Variants in ADCY9 observed in about 807,000 individuals in gnomAD.
The protein encoded by ADCY9 is adenylate cyclase type 9.
A neutral mutation model predicts 101.5 loss-of-function variants in ADCY9; 50 were observed. That is an observed-to-expected ratio of 0.49 (90% CI 0.39 to 0.62). The LOEUF (loss-of-function observed/expected upper bound fraction) is 0.62, where lower values mean the gene tolerates loss of function less well. ADCY9 is among the 20% of genes least tolerant of loss of function. The pLI is 0.00. For synonymous variants in ADCY9, 905 were observed against 769.3 expected, an observed-to-expected ratio of 1.18 and a Z score of -2.92; for missense variants, 1,662 against 1,800.4, an observed-to-expected ratio of 0.92 and a Z score of 1.39.
chr16:4,110,893 A>G lies in ADCY9; in HGVS notation c.1693+2857T>C, dbSNP rs1006195950. On this transcript the variant is annotated intron_variant, in intron 2 of 10. Transcript: ENST00000294016. ...AACGCTGCTTCTGCCCCATCCCTGTATCAGCTAGTCCTCAATTCGGTCTGG... is the reference window on the plus strand; with the variant it reads ...AACGCTGCTTCTGCCCCATCCCTGTGTCAGCTAGTCCTCAATTCGGTCTGG... 7.2e-5 allele frequency among the ~76,000 whole-genome samples: 11 copies of G among 152,124 alleles called. 1 individual carries two copies. The South Asian group carries it at 2.3e-3, about 32-fold the overall frequency.
Position 3,965,666 on chromosome 16 carries a change from C to T in ADCY9, c.*109G>A, listed in dbSNP as rs2055983802. ...AGTTAGGGCTGAAATGACCACATAACACCACGTCCGGGGAGGGCAACTGTG... is the reference window on the plus strand; with the variant it reads ...AGTTAGGGCTGAAATGACCACATAATACCACGTCCGGGGAGGGCAACTGTG... On this transcript the variant is annotated 3_prime_UTR_variant, in exon 11 of 11. Coordinates refer to ENST00000294016, the MANE Select transcript of ADCY9 (RefSeq NM_001116.4). 1.0e-6 allele frequency: 1 copy of T among 970,070 alleles called. No homozygotes were observed. The highest frequency in any genetic ancestry group is 1.5e-6 in the Non-Finnish European group (1 of 654,734). 60.1% of individuals were successfully genotyped at this position (970,070 alleles called of 1,614,324 possible). A position where few individuals can be genotyped will look rare whatever the true frequency, so the allele number is the denominator to read the frequency against.
At chr16:4,107,850 C>T (rs552293178) in intron 2 of ADCY9, among the ~76,000 whole-genome samples, 7 of 152,190 alleles carry the variant, frequency 4.6e-5, no homozygotes, top group South Asian at 2.1e-4. Flanking sequence ...AGAATGCCTC[C>T]GTCCACTGTC....
intron 2 of ADCY9, among the ~76,000 whole-genome samples, chr16:4,098,738 T>C (rs1040325543): frequency 6.6e-6 from 1 of 151,340 alleles, no homozygotes; most frequent in African/African-American, 2.4e-5. Flanking sequence ...GAAAAGAGAG[T>C]GGCCGGCCCA....
At chr16:3,967,886 CAG>C (rs1358081396) in intron 10 of ADCY9, among the ~76,000 whole-genome samples, 2 of 151,432 alleles carry the variant, frequency 1.3e-5, no homozygotes, top group Non-Finnish European at 2.9e-5. Context: ...TTAGTAGAGA[CAG>C]GGTTTCATCA....
intron 2 of ADCY9, among the ~76,000 whole-genome samples, chr16:4,058,023 G>C (rs939370518): frequency 2.6e-5 from 4 of 152,038 alleles, no homozygotes; most frequent in African/African-American, 9.7e-5. Flanking sequence ...GCCAGGCGTG[G>C]TGGTGGGCAC....
intron 2 of ADCY9, among the ~76,000 whole-genome samples, chr16:4,080,960 A>G (rs564482514): frequency 7.2e-5 from 11 of 152,310 alleles, no homozygotes; most frequent in Non-Finnish European, 1.3e-4. Flanking sequence ...TTTTCTGGTT[A>G]AGGAAAACAT....
intron 2 of ADCY9, among the ~76,000 whole-genome samples, chr16:4,012,050 C>G (rs1307291740): frequency 6.6e-6 from 1 of 152,202 alleles, no homozygotes; most frequent in Non-Finnish European, 1.5e-5. Context: ...ATTTGCAAAA[C>G]TGTTAAATCA....
intron 8 of ADCY9, 52 bp from the exon 9 acceptor site, chr16:3,977,682 T>C (rs776953320): frequency 6.4e-7 from 1 of 1,568,978 alleles, no homozygotes; most frequent in South Asian, 1.2e-5. Context: ...CCGCCACCCC[T>C]GCTATACCCG....
chr16:3,997,789 T>A (rs574201371), intron 3 of ADCY9, among the ~76,000 whole-genome samples: 80 of 152,340 alleles, frequency 5.3e-4, no homozygotes, highest in Admixed American at 1.2e-3. Flanking sequence ...ATCATTTTAC[T>A]GCACTTTGAA....
chr16:4,005,593 A>G (rs1480576945), intron 3 of ADCY9, among the ~76,000 whole-genome samples: 1 of 152,206 alleles, frequency 6.6e-6, no homozygotes, highest in African/African-American at 2.4e-5. Context: ...AAATCTCCAC[A>G]TGCCAAGAAG....
chr16:4,094,968 C>CA (rs1471958090), intron 2 of ADCY9, among the ~76,000 whole-genome samples: 2 of 150,494 alleles, frequency 1.3e-5, no homozygotes, highest in African/African-American at 4.9e-5. Context: ...AAATCTTTGA[C>CA]AAAATCCAAG....
chr16:4,100,692 G>A (rs1205027634), intron 2 of ADCY9, among the ~76,000 whole-genome samples: 12 of 148,150 alleles, frequency 8.1e-5, no homozygotes, highest in Non-Finnish European at 1.5e-4. Flanking sequence ...ACAGTGAGCC[G>A]AGATTATGCC....
chr16:4,105,856 GA>G (rs1169716581), intron 2 of ADCY9, among the ~76,000 whole-genome samples: 1 of 151,668 alleles, frequency 6.6e-6, no homozygotes, highest in African/African-American at 2.4e-5. Flanking sequence ...AAAAAGAAAA[GA>G]AAAAAAACCT....
At chr16:3,993,127 C>A (rs2056259120) in intron 4 of ADCY9, among the ~76,000 whole-genome samples, 1 of 152,166 alleles carries the variant, frequency 6.6e-6, no homozygotes, top group Non-Finnish European at 1.5e-5. Flanking sequence ...CCACAAATCC[C>A]CTCCCGGCAC....
chr16:4,030,409 G>T (rs1203597431), intron 2 of ADCY9, among the ~76,000 whole-genome samples: 1 of 152,062 alleles, frequency 6.6e-6, no homozygotes, highest in Non-Finnish European at 1.5e-5. Context: ...AGCCACAAAA[G>T]AATATATACT....
intron 2 of ADCY9, among the ~76,000 whole-genome samples, chr16:4,093,300 C>T (rs1417776475): frequency 6.6e-6 from 1 of 152,144 alleles, no homozygotes; most frequent in Non-Finnish European, 1.5e-5. Flanking sequence ...TTTGCTGTCC[C>T]CGAAGCTCTC....
At chr16:3,969,965 C>T (rs527679664) in intron 10 of ADCY9, among the ~76,000 whole-genome samples, 3 of 152,198 alleles carry the variant, frequency 2.0e-5, no homozygotes, top group Admixed American at 1.3e-4. Flanking sequence ...ATTTGTCCAT[C>T]GTCCTGCCAT....
chr16:4,094,639 A>G (rs552566505), intron 2 of ADCY9, among the ~76,000 whole-genome samples: 57 of 152,316 alleles, frequency 3.7e-4, no homozygotes, highest in African/African-American at 1.4e-3. Context: ...ATAAGAAAAA[A>G]AAAAGGGAGA....
Position 3,966,375 on chromosome 16 carries a change from G to A in ADCY9, c.3462C>T (p.Asn1154=). Residue 1154 remains asparagine, a synonymous_variant, in exon 11 of 11, where the codon AAC becomes AAT. Transcript: ENST00000294016. ...GCTTGAAGTTGAACCACAGCATGTT[G>A]TTGTTGAAGTCGTCCACCACGCGCA... ...EMMRVVDDFN[N]NMLWFNFKLR... 2 of 1,614,108 alleles carry A rather than the reference G, an allele frequency of 1.2e-6. No homozygotes were observed. Among genetic ancestry groups the A allele is most frequent in the Non-Finnish European group, 1.7e-6 (2 of 1,180,046 alleles).
Sources: gnomAD v4.1 joint callset for allele counts (sites outside exome capture counted in the v4.1 genomes callset) on GRCh38, gnomAD v4.1.1 for gene constraint, MANE v1.5 for transcripts, NCBI Gene and HGNC (gene_info 2026-07-23, HGNC 2026-07-21) for gene names.